SH3RF3: variants seen among roughly 807,000 people sequenced by gnomAD.
SH3RF3 encodes SH3 domain containing ring finger 3.
A neutral mutation model predicts 66.3 loss-of-function variants in SH3RF3; 29 were observed. The ratio of observed to expected loss-of-function variants is 0.44; its 90% CI spans 0.33 to 0.60. The LOEUF is 0.60. Among genes scored for constraint, SH3RF3 ranks in the 20% least tolerant of loss-of-function variants. The pLI is 0.04. For missense variants in SH3RF3, 1,194 were observed against 1,190.9 expected (o/e 1.00, Z -0.04); for synonymous variants, 583 against 532.0 (o/e 1.10, Z -1.32).
intron 1 of SH3RF3, among the ~76,000 whole-genome samples, chr2:109,248,279 A>G (rs1322569314): frequency 6.6e-6 from 1 of 151,920 alleles, no homozygotes; most frequent in Non-Finnish European, 1.5e-5. Context: ...TTCTTTTCTG[A>G]TGTGCTCATT....
At chr2:109,258,584 T>G (rs1277559327) in intron 1 of SH3RF3, among the ~76,000 whole-genome samples, 1 of 152,154 alleles carries the variant, frequency 6.6e-6, no homozygotes, top group Non-Finnish European at 1.5e-5. Context: ...CAGTCAGTCA[T>G]CCCGCAATTC....
At chr2:109,445,537 G>C (rs937048725) in intron 7 of SH3RF3, among the ~76,000 whole-genome samples, 4 of 152,206 alleles carry the variant, frequency 2.6e-5, no homozygotes, top group African/African-American at 4.8e-5. Context: ...AATGGGAAAA[G>C]GAGGTACTAG....
intron 1 of SH3RF3, among the ~76,000 whole-genome samples, chr2:109,204,112 C>T (rs927347006): frequency 1.3e-5 from 2 of 152,196 alleles, no homozygotes; most frequent in Admixed American, 6.5e-5. Flanking sequence ...TCAGACAAGG[C>T]GAAGAGGGTA....
At chr2:109,423,488 A>G (rs1676937600) in intron 5 of SH3RF3, among the ~76,000 whole-genome samples, 1 of 152,190 alleles carries the variant, frequency 6.6e-6, no homozygotes, top group African/African-American at 2.4e-5. Flanking sequence ...TGACCAAACC[A>G]TGCCAACACA....
At chr2:109,283,233 C>T (rs1330268962) in intron 1 of SH3RF3, among the ~76,000 whole-genome samples, 3 of 152,188 alleles carry the variant, frequency 2.0e-5, no homozygotes, top group East Asian at 3.9e-4. Context: ...GGCAGTCTCC[C>T]GCTCTGGGTG....
rs551902512 is a variant in SH3RF3, at chr2:109,473,038, G to A, written c.2149-17567G>A. On this transcript the variant is annotated intron_variant, in intron 8 of 9. Transcript: ENST00000309415. The stretch of plus-strand genomic sequence containing the variant: ...ATAATGTGTTGGCTGAGATGGCAAG[G>A]AGACAGGGTCACATGGTGTTGCAGC... Among the ~76,000 whole-genome samples, 282 of 152,356 alleles carry A rather than the reference G, an allele frequency of 1.9e-3. 1 individual carries two copies. Among genetic ancestry groups the A allele is most frequent in the African/African-American group, 6.5e-3 (269 of 41,584 alleles).
intron 3 of SH3RF3, among the ~76,000 whole-genome samples, chr2:109,391,853 T>C (rs1001080217): frequency 6.6e-6 from 1 of 152,092 alleles, no homozygotes; most frequent in Non-Finnish European, 1.5e-5. Flanking sequence ...CTTTTTTTTT[T>C]AATTAAGACA....
intron 3 of SH3RF3, among the ~76,000 whole-genome samples, chr2:109,372,244 C>T (rs554929522): frequency 6.6e-6 from 1 of 152,356 alleles, no homozygotes; most frequent in Non-Finnish European, 1.5e-5. Context: ...GTAACTAAAG[C>T]ACCAGGTTTC....
chr2:109,419,135 G>A (rs971377137), intron 4 of SH3RF3, among the ~76,000 whole-genome samples: 4 of 152,222 alleles, frequency 2.6e-5, no homozygotes, highest in African/African-American at 7.2e-5. Context: ...TTAATCTCCA[G>A]TTCCTGGGGA....
chr2:109,242,439 C>T (rs539349329), intron 1 of SH3RF3, among the ~76,000 whole-genome samples: 15 of 152,278 alleles, frequency 9.9e-5, no homozygotes, highest in African/African-American at 3.6e-4. Flanking sequence ...AGTCCTGGGC[C>T]TTGGGGCTCA....
chr2:109,271,182 A>G (rs774889839), intron 1 of SH3RF3, among the ~76,000 whole-genome samples: 2 of 152,166 alleles, frequency 1.3e-5, no homozygotes, highest in Non-Finnish European at 2.9e-5. Context: ...AGTATTTGCT[A>G]ATGAGCAAAA....
At chr2:109,239,202 C>T (rs1384247461) in intron 1 of SH3RF3, among the ~76,000 whole-genome samples, 2 of 152,056 alleles carry the variant, frequency 1.3e-5, no homozygotes, top group Admixed American at 1.3e-4. Context: ...CTGCACAGTG[C>T]TCCGAAAAGA....
intron 5 of SH3RF3, among the ~76,000 whole-genome samples, chr2:109,424,819 A>G (rs1374185688): frequency 6.6e-6 from 1 of 152,174 alleles, no homozygotes; most frequent in East Asian, 1.9e-4. Flanking sequence ...CAATACTGAA[A>G]TCAGGCCTTT....
intron 1 of SH3RF3, among the ~76,000 whole-genome samples, chr2:109,329,513 T>G (rs1433532201): frequency 6.6e-6 from 1 of 152,198 alleles, no homozygotes; most frequent in Non-Finnish European, 1.5e-5. Context: ...GGAGAACAAC[T>G]GAACACATCC....
chr2:109,215,082 C>A (rs540057959), intron 1 of SH3RF3, among the ~76,000 whole-genome samples: 9 of 152,322 alleles, frequency 5.9e-5, no homozygotes, highest in African/African-American at 1.7e-4. Flanking sequence ...CAGCGTTAAA[C>A]CTTCAGTGGG....
At chr2:109,338,697 A>G (rs1347021334) in intron 1 of SH3RF3, among the ~76,000 whole-genome samples, 1 of 152,176 alleles carries the variant, frequency 6.6e-6, no homozygotes, top group African/African-American at 2.4e-5. Flanking sequence ...AGCTGTGACT[A>G]CAGGCATGCG....
chr2:109,186,287 T>C (rs1678185335), intron 1 of SH3RF3, among the ~76,000 whole-genome samples: 1 of 152,264 alleles, frequency 6.6e-6, no homozygotes. Flanking sequence ...CATGTAATCC[T>C]GACTGCAGCC....
At chr2:109,292,384 C>T (rs1311109295) in intron 1 of SH3RF3, among the ~76,000 whole-genome samples, 23 of 152,048 alleles carry the variant, frequency 1.5e-4, no homozygotes, top group Admixed American at 1.5e-3. Context: ...AGTTTTGTAT[C>T]CTGGTCTTTT....
chr2:109,432,487 T>C lies in SH3RF3; in HGVS notation c.1404-14T>C, dbSNP rs757229335. 6.2e-7 allele frequency: 1 copy of C among 1,612,570 alleles called. No individual in the cohort carries two copies. The highest frequency in any genetic ancestry group is 1.1e-5 in the South Asian group (1 of 90,692). On this transcript the variant is annotated splice_polypyrimidine_tract_variant and intron_variant, in intron 5 of 9. Transcript: ENST00000309415. ...AGGGCTCCCACTGACACTGGCCCCA[T>C]GCTTTGCCCGCAGGTACCTGGCGCT...
Sources: gnomAD v4.1 joint callset for allele counts (sites outside exome capture counted in the v4.1 genomes callset) on GRCh38, gnomAD v4.1.1 for gene constraint, MANE v1.5 for transcripts, NCBI Gene and HGNC (gene_info 2026-07-23, HGNC 2026-07-21) for gene names.